Variants in SLC4A10 observed in about 807,000 individuals in gnomAD.
SLC4A10 encodes the protein solute carrier family 4 member 10.
A neutral mutation model predicts 137.7 loss-of-function variants in SLC4A10; 42 were observed. The ratio of observed to expected loss-of-function variants is 0.30; its 90% CI spans 0.24 to 0.39. SLC4A10 has a LOEUF of 0.39. SLC4A10 is among the 10% of genes least tolerant of loss of function. SLC4A10 has a pLI of 1.00. For missense variants in SLC4A10, 925 were observed against 1,355.0 expected, an observed-to-expected ratio of 0.68 and a Z score of 4.98; for synonymous variants, 474 against 464.1, an observed-to-expected ratio of 1.02 and a Z score of -0.27.
chr2:161,719,838 G>A (rs1347383658), intron 1 of SLC4A10, among the ~76,000 whole-genome samples: 11 of 151,984 alleles, frequency 7.2e-5, no homozygotes, highest in African/African-American at 2.6e-4. Context: ...CTCCCATTTT[G>A]TAGGTTGCCT....
At chr2:161,683,032 C>T (rs1367084231) in intron 1 of SLC4A10, among the ~76,000 whole-genome samples, 2 of 151,792 alleles carry the variant, frequency 1.3e-5, no homozygotes, top group African/African-American at 4.8e-5. Flanking sequence ...CAACAAAATA[C>T]TACATTTTTT....
chr2:161,637,408 C>G (rs149812741), intron 1 of SLC4A10, among the ~76,000 whole-genome samples: 76 of 152,002 alleles, frequency 5.0e-4, no homozygotes, highest in African/African-American at 1.8e-3. Flanking sequence ...ACCGTGTTTA[C>G]CAGGCTGGTC....
In SLC4A10 at chr2:161,748,059, T is replaced by C. The variant is rs557820208; in HGVS notation, c.49-22914T>C. On this transcript the variant is annotated intron_variant, in intron 1 of 26. Transcript: ENST00000446997. ...CATATATCTGCTCGTCATTTTTATG[T>C]CTTCTTTGGAAAAAATGTAATTTCA... is the stretch of plus-strand genomic sequence containing the variant. 1.9e-3 allele frequency among the ~76,000 whole-genome samples: 290 copies of C among 152,288 alleles called. 10 individuals carry two copies. Among genetic ancestry groups the C allele is most frequent in the Middle Eastern group, 0.01 (3 of 294 alleles).
chr2:161,628,599 T>G (rs2032919219), intron 1 of SLC4A10, among the ~76,000 whole-genome samples: 1 of 152,026 alleles, frequency 6.6e-6, no homozygotes, highest in Non-Finnish European at 1.5e-5. Context: ...TATTGTTTTT[T>G]CTATTCAATT....
chr2:161,958,831 T>C (rs1290098081), intron 21 of SLC4A10, among the ~76,000 whole-genome samples: 2 of 152,170 alleles, frequency 1.3e-5, no homozygotes, highest in East Asian at 1.9e-4. Flanking sequence ...AGTAGTATAT[T>C]TCAATATATA....
chr2:161,894,715 A>G lies in SLC4A10; in HGVS notation c.1231A>G (p.Asn411Asp). 1 of 1,441,554 alleles carries G rather than the reference A, an allele frequency of 6.9e-7. No homozygotes were observed. The allele number at this position is 1,441,554 out of a possible 1,614,324, so 89.3% of individuals were successfully genotyped here. The part of the protein sequence containing the change: ...HDVAYKAKDR[N>D]DLVSGIDEFL... ...TGTTGCCTATAAAGCTAAAGATCGTAATGACTTGGTATCAGGAATTGATGA... is the reference window on the plus strand; with the variant it reads ...TGTTGCCTATAAAGCTAAAGATCGTGATGACTTGGTATCAGGAATTGATGA... Residue 411 changes from asparagine (N) to aspartate (D), a missense_variant, in exon 11 of 27, where the codon AAT becomes GAT. By Grantham distance (23) the Asn-to-Asp change is conservative (BLOSUM62 1). This residue lies in a region of SLC4A10 where 277 missense variants were observed against 306.1 expected (regional missense o/e 0.90). Coordinates refer to ENST00000446997, the MANE Select transcript of SLC4A10 (RefSeq NM_001178015.2).
At chr2:161,690,582 G>T (rs1215439133) in intron 1 of SLC4A10, among the ~76,000 whole-genome samples, 5 of 152,110 alleles carry the variant, frequency 3.3e-5, no homozygotes, top group Non-Finnish European at 2.9e-5. Flanking sequence ...AGAAAATGTG[G>T]TACATATATA....
intron 3 of SLC4A10, among the ~76,000 whole-genome samples, chr2:161,824,248 A>T (rs2057861447): frequency 6.6e-6 from 1 of 152,172 alleles, no homozygotes. Context: ...TACACATGGT[A>T]CCCTATGGAA....
chr2:161,961,990 G>A (rs144049836), intron 21 of SLC4A10, among the ~76,000 whole-genome samples: 138 of 152,258 alleles, frequency 9.1e-4, no homozygotes, highest in Admixed American at 2.2e-3. Flanking sequence ...AGCTAACTGG[G>A]TGGGGAAATG....
intron 9 of SLC4A10, among the ~76,000 whole-genome samples, chr2:161,881,771 A>G (rs961767687): frequency 6.6e-6 from 1 of 152,066 alleles, no homozygotes; most frequent in Admixed American, 6.6e-5. Context: ...TAGATGGAAT[A>G]TTATAGTGCA....
chr2:161,654,192 C>G (rs565088992), intron 1 of SLC4A10, among the ~76,000 whole-genome samples: 1 of 152,256 alleles, frequency 6.6e-6, no homozygotes, highest in East Asian at 1.9e-4. Flanking sequence ...GGAGAAGTAC[C>G]TCTTCAAGTC....
At chr2:161,659,685 T>C (rs1449875175) in intron 1 of SLC4A10, among the ~76,000 whole-genome samples, 1 of 152,100 alleles carries the variant, frequency 6.6e-6, no homozygotes, top group Non-Finnish European at 1.5e-5. Flanking sequence ...AAAACATATG[T>C]CCACAGAAAA....
intron 15 of SLC4A10, among the ~76,000 whole-genome samples, chr2:161,932,613 C>T (rs1690610302): frequency 6.6e-6 from 1 of 152,110 alleles, no homozygotes; most frequent in Admixed American, 6.6e-5. Flanking sequence ...CATGGAGGAA[C>T]ATGAAACTCT....
chr2:161,658,035 C>T (rs2037782010), intron 1 of SLC4A10, among the ~76,000 whole-genome samples: 1 of 152,116 alleles, frequency 6.6e-6, no homozygotes, highest in Non-Finnish European at 1.5e-5. Flanking sequence ...TTATAGGGTG[C>T]TCATGACACA....
chr2:161,933,670 C>T (rs1050068280), intron 15 of SLC4A10, among the ~76,000 whole-genome samples: 6 of 152,088 alleles, frequency 3.9e-5, no homozygotes, highest in Non-Finnish European at 7.3e-5. Flanking sequence ...GCAGGGATTA[C>T]AGGCATGAGC....
chr2:161,974,267 G>C lies in SLC4A10; in HGVS notation c.3178G>C (p.Ala1060Pro). The part of the protein sequence containing the change: ...AEKEEEQSML[A>P]MEDEGTVQLP... ...TTTTCAGGAAGAACAAAGTATGCTA[G>C]CTATGGAAGATGAGGGCACAGTACA... Residue 1060 changes from alanine to proline, a missense_variant, in exon 24 of 27, where the codon GCT (alanine) becomes CCT (proline). Around this residue, in one of 11 missense-constraint regions of SLC4A10, gnomAD observed 84 missense variants for 76.9 expected, o/e 1.09. Coordinates refer to ENST00000446997, the MANE Select transcript of SLC4A10 (RefSeq NM_001178015.2). 2 of 1,607,724 alleles carry C rather than the reference G, an allele frequency of 1.2e-6. No homozygotes were observed. Among genetic ancestry groups the C allele is most frequent in the Non-Finnish European group, 1.7e-6 (2 of 1,177,100 alleles).
intron 1 of SLC4A10, among the ~76,000 whole-genome samples, chr2:161,746,583 G>A (rs1196827592): frequency 6.6e-6 from 1 of 152,004 alleles, no homozygotes; most frequent in East Asian, 1.9e-4. Flanking sequence ...TTATTTTACT[G>A]TGGCTGAGCT....
chr2:161,957,013 C>T lies in SLC4A10; in HGVS notation c.2566C>T (p.Leu856=), dbSNP rs1263991022. 3.1e-6 allele frequency: 5 copies of T among 1,594,692 alleles called. No individual in the cohort carries two copies. The highest frequency in any genetic ancestry group is 4.3e-6 in the Non-Finnish European group (5 of 1,170,296). ...LKKGCGYHLD[L]LMVAVMLGVC... ...GAAAGGTTGTGGGTACCATCTGGAC[C>T]TATTAATGGTGGCTGTCATGCTCGG... Residue 856 remains leucine, a synonymous_variant, in exon 20 of 27, where the codon CTA becomes TTA. Coordinates refer to ENST00000446997, the MANE Select transcript of SLC4A10 (RefSeq NM_001178015.2).
intron 1 of SLC4A10, among the ~76,000 whole-genome samples, chr2:161,705,695 C>A (rs1020553147): frequency 4.6e-5 from 7 of 151,526 alleles, no homozygotes; most frequent in African/African-American, 9.7e-5. Flanking sequence ...AGTTGCCTTG[C>A]CCCCTTTTCT....
Sources: allele counts gnomAD v4.1 joint callset (sites outside exome capture counted in the v4.1 genomes callset), GRCh38; gene constraint gnomAD v4.1.1; regional missense constraint gnomAD v4.1.1; transcripts MANE v1.5; gene names NCBI Gene and HGNC (gene_info 2026-07-23, HGNC 2026-07-21).